The following MRAP2 variants were observed in gnomAD, a reference collection of about 807,000 sequenced individuals.
The protein encoded by MRAP2 is melanocortin-2 receptor accessory protein 2.
In MRAP2, 20 loss-of-function variants were observed where a neutral mutation model predicts 17.4. The ratio of observed to expected loss-of-function variants is 1.15; its 90% confidence interval spans 0.81 to 1.67. The LOEUF (loss-of-function observed/expected upper bound fraction) is 1.67. MRAP2 is among the 40% of genes most tolerant of loss of function. The pLI is 0.00. For synonymous variants in MRAP2, 96 were observed against 88.4 expected (o/e 1.09, Z -0.48); for missense variants, 238 against 240.0 (o/e 0.99, Z 0.05).
chr6:84,104,193 G>T, the MRAP2 span, among the ~76,000 whole-genome samples: 1 of 152,166 alleles, frequency 6.6e-6, no homozygotes, highest in Non-Finnish European at 1.5e-5. Flanking sequence ...CTCTACATTG[G>T]CCACTTTCAG....
intron 3 of MRAP2, among the ~76,000 whole-genome samples, chr6:84,084,021 A>T (rs2099499663): frequency 1.3e-5 from 2 of 152,208 alleles, no homozygotes; most frequent in African/African-American, 4.8e-5. Flanking sequence ...TAATCTTATT[A>T]AGGCTGTGAA....
At chr6:84,112,978 T>A in the MRAP2 span, among the ~76,000 whole-genome samples, 1 of 152,200 alleles carries the variant, frequency 6.6e-6, no homozygotes, top group African/African-American at 2.4e-5. Context: ...TTATGATTTC[T>A]GTTTTTTGCA....
intron 1 of MRAP2, chr6:84,045,302 C>T (rs2099488684): frequency 2.0e-6 from 2 of 985,258 alleles, no homozygotes; most frequent in Non-Finnish European, 2.4e-6. Context: ...TCAGGTACAG[C>T]TGATGAGGCT....
the MRAP2 span, among the ~76,000 whole-genome samples, chr6:84,108,087 G>C: frequency 6.6e-6 from 1 of 152,152 alleles, no homozygotes; most frequent in Admixed American, 6.5e-5. Context: ...TTTCCCCACT[G>C]TCAGTTGTAC....
chr6:84,143,123 T>C, the MRAP2 span, among the ~76,000 whole-genome samples: 1 of 152,100 alleles, frequency 6.6e-6, no homozygotes, highest in East Asian at 1.9e-4. Flanking sequence ...AAATAATAAA[T>C]AGTCACTGAA....
intron 1 of MRAP2, among the ~76,000 whole-genome samples, chr6:84,048,576 T>C (rs1478617863): frequency 6.6e-6 from 1 of 152,212 alleles, no homozygotes; most frequent in Non-Finnish European, 1.5e-5. Context: ...CCTATGCCTT[T>C]CCTGTGATGG....
chr6:84,084,904 TTTTATTTTA>T lies in MRAP2; in HGVS notation c.228-4179_228-4171del, dbSNP rs1438635253. ...TTTTATTTTATTTTATTTTATTTTA[TTTTATTTTA>T]TTTATTTATTTTATTTTACTTTATT... On this transcript the variant is annotated intron_variant, in intron 3 of 3. Coordinates refer to ENST00000257776, the MANE Select transcript of MRAP2 (RefSeq NM_138409.4). 1.5e-3 allele frequency among the ~76,000 whole-genome samples: 160 copies of T among 109,682 alleles called. 1 individual carries two copies. The highest frequency in any genetic ancestry group is 0.011 in the Middle Eastern group (2 of 188). 72.0% of individuals were successfully genotyped at this position (109,682 alleles called of 152,430 possible).
chr6:84,070,100 C>G lies in MRAP2; in HGVS notation c.227+7108C>G, dbSNP rs192098526. Reference sequence around the variant, plus strand: ...GGTTTCAATTTCATTTAGTTCTGCTCTGATGATCTTGGTTATTACCTTTCT... The same window carrying G: ...GGTTTCAATTTCATTTAGTTCTGCTGTGATGATCTTGGTTATTACCTTTCT... On this transcript the variant is annotated intron_variant, in intron 3 of 3. Transcript: ENST00000257776. 2.2e-4 allele frequency among the ~76,000 whole-genome samples: 33 copies of G among 152,052 alleles called. No homozygotes were observed. In the East Asian group the frequency reaches 6.0e-3, roughly 28 times the overall value.
the MRAP2 span, among the ~76,000 whole-genome samples, chr6:84,133,605 A>G: frequency 3.9e-5 from 6 of 152,274 alleles, no homozygotes; most frequent in South Asian, 1.2e-3. Context: ...CTTGCAGTTC[A>G]ATCTCGGACT....
At chr6:84,097,255 A>C in the MRAP2 span, among the ~76,000 whole-genome samples, 1 of 152,112 alleles carries the variant, frequency 6.6e-6, no homozygotes, top group Non-Finnish European at 1.5e-5. Flanking sequence ...GTAAGCCAAG[A>C]GTCATTACAT....
intron 1 of MRAP2, chr6:84,035,363 T>G (rs2099485703): frequency 1.1e-6 from 1 of 932,526 alleles, no homozygotes; most frequent in African/African-American, 1.8e-5. Context: ...CAAAACTACC[T>G]AGGGAAGCAT....
intron 3 of MRAP2, among the ~76,000 whole-genome samples, chr6:84,087,041 A>C (rs941111483): frequency 7.2e-5 from 11 of 152,154 alleles, no homozygotes; most frequent in African/African-American, 2.7e-4. Context: ...ATGCTTTGTG[A>C]ACCCCCAAAA....
At chr6:84,136,720 GA>G in the MRAP2 span, among the ~76,000 whole-genome samples, 426 of 151,812 alleles carry the variant, frequency 2.8e-3, 2 homozygotes, top group Non-Finnish European at 3.7e-3. Context: ...TTAAATCAAT[GA>G]AAAAAAATGC....
the MRAP2 span, among the ~76,000 whole-genome samples, chr6:84,135,125 GTAGTGGGATTA>G: frequency 2.0e-5 from 3 of 151,990 alleles, no homozygotes; most frequent in African/African-American, 7.2e-5. Flanking sequence ...ATATAACTAG[GTAGTGGGATTA>G]TAGTGATTTT....
At chr6:84,127,571 T>C in the MRAP2 span, among the ~76,000 whole-genome samples, 4 of 152,160 alleles carry the variant, frequency 2.6e-5, no homozygotes, top group African/African-American at 9.7e-5. Context: ...ATAATGATTA[T>C]TAAAATTATT....
At chr6:84,120,123 A>AT in the MRAP2 span, among the ~76,000 whole-genome samples, 3 of 152,194 alleles carry the variant, frequency 2.0e-5, no homozygotes, top group African/African-American at 7.2e-5. Flanking sequence ...TGTAGGCTAG[A>AT]TAACTTACAA....
rs113403395 is a variant in MRAP2 at position 84,044,671 on chromosome 6, T to G, written c.-7-10641T>G. ...TCCTAATCTCCTCTTCTTATGAAGA[T>G]ATTCTTCAGAATGAATGAGGGCCTC... is the stretch of plus-strand genomic sequence containing the variant. On this transcript the variant is annotated intron_variant, in intron 1 of 3. Transcript: ENST00000257776. 6.4e-3 allele frequency among the ~76,000 whole-genome samples: 982 copies of G among 152,368 alleles called. 17 individuals are homozygous for G. The highest frequency in any genetic ancestry group is 0.022 in the African/African-American group (920 of 41,594).
At chr6:84,038,491 T>TTTA (rs955787383) in intron 1 of MRAP2, among the ~76,000 whole-genome samples, 5 of 152,052 alleles carry the variant, frequency 3.3e-5, no homozygotes, top group African/African-American at 1.2e-4. Flanking sequence ...TTCTTATTTA[T>TTTA]TTATTTATTC....
chr6:84,112,224 G>A, the MRAP2 span, among the ~76,000 whole-genome samples: 7 of 152,088 alleles, frequency 4.6e-5, no homozygotes, highest in Admixed American at 6.5e-5. Context: ...CTGTGAATCC[G>A]TCTGGTCCTG....
Sources: gnomAD v4.1 joint callset for allele counts (sites outside exome capture counted in the v4.1 genomes callset) on GRCh38, gnomAD v4.1.1 for gene constraint, MANE v1.5 for transcripts, NCBI Gene and HGNC (gene_info 2026-07-23, HGNC 2026-07-21) for gene names.